The following RGS6 variants were observed in gnomAD, a reference collection of about 807,000 sequenced individuals.
The protein encoded by RGS6 is regulator of G protein signaling 6.
Under a neutral mutation model 78.5 loss-of-function variants are expected in RGS6, and 30 were observed. The observed-to-expected ratio is 0.38, with a 90% CI of 0.29 to 0.52. The LOEUF is 0.52. Ranked by LOEUF, RGS6 falls within the 20% of genes least tolerant of loss-of-function variation. The probability of loss-of-function intolerance (pLI) is 0.85; values close to 1 mark genes in which losing one functional copy is unlikely to be tolerated. For missense variants in RGS6, 495 were observed against 609.7 expected (o/e 0.81, Z 1.98); for synonymous variants, 206 against 206.0 (o/e 1.00, Z 0.00).
intron 15 of RGS6, among the ~76,000 whole-genome samples, chr14:72,526,189 T>C (rs1598719273): frequency 6.6e-6 from 1 of 151,960 alleles, no homozygotes; most frequent in Non-Finnish European, 1.5e-5. Flanking sequence ...CTGCAAGCTC[T>C]GCCTCCTGGG....
At chr14:72,352,851 C>G (rs1441657625) in intron 3 of RGS6, among the ~76,000 whole-genome samples, 1 of 152,116 alleles carries the variant, frequency 6.6e-6, no homozygotes, top group Non-Finnish European at 1.5e-5. Context: ...CTAATCAATT[C>G]ATTGTTTTTC....
At chr14:72,569,426 T>TC (rs1217154114), downstream of RGS6, among the ~76,000 whole-genome samples, 1 of 152,112 alleles carries the variant, frequency 6.6e-6, no homozygotes, top group Non-Finnish European at 1.5e-5. Context: ...ACACCTGTAA[T>TC]CCCCGCACTT....
chr14:72,386,065 T>C (rs1401389693), intron 3 of RGS6, among the ~76,000 whole-genome samples: 1 of 152,074 alleles, frequency 6.6e-6, no homozygotes, highest in Non-Finnish European at 1.5e-5. Context: ...CCCTGGGGCT[T>C]TCTTAGGCAT....
At chr14:72,123,898 C>T (rs1334708659) in intron 2 of RGS6, among the ~76,000 whole-genome samples, 1 of 152,138 alleles carries the variant, frequency 6.6e-6, no homozygotes, top group Admixed American at 6.6e-5. Flanking sequence ...GTTCCCTGTC[C>T]CTCATTTGCT....
chr14:72,406,573 A>C (rs553142335), intron 3 of RGS6, among the ~76,000 whole-genome samples: 1 of 152,280 alleles, frequency 6.6e-6, no homozygotes, highest in African/African-American at 2.4e-5. Context: ...AAAGGCTGGA[A>C]GTCAGGGGGT....
chr14:72,029,733 G>T (rs192062744), intron 2 of RGS6, among the ~76,000 whole-genome samples: 431 of 152,296 alleles, frequency 2.8e-3, no homozygotes, highest in Non-Finnish European at 5.1e-3. Context: ...CCTTCATTTG[G>T]ATAGAGGAAG....
At chr14:71,987,894 C>G (rs1266567608) in intron 2 of RGS6, among the ~76,000 whole-genome samples, 1 of 151,604 alleles carries the variant, frequency 6.6e-6, no homozygotes, top group Non-Finnish European at 1.5e-5. Context: ...GACTGTCCAT[C>G]TGGCATAGTA....
intron 2 of RGS6, among the ~76,000 whole-genome samples, chr14:72,079,671 T>G (rs1470929819): frequency 6.6e-6 from 1 of 152,144 alleles, no homozygotes; most frequent in Non-Finnish European, 1.5e-5. Context: ...TTTTTTGTCC[T>G]TTACCCAACA....
chr14:71,959,330 GA>G (rs148847698), intron 1 of RGS6, among the ~76,000 whole-genome samples: 28,406 of 149,362 alleles, frequency 0.19, 2,761 homozygotes, highest in African/African-American at 0.24. Flanking sequence ...GCTGATGTCA[GA>G]AAAAAAAAAT....
chr14:72,539,923 T>G, intron 16 of RGS6, 118 bp from the exon 17 acceptor site: 3 of 860,298 alleles, frequency 3.5e-6, no homozygotes, highest in Non-Finnish European at 5.2e-6. Context: ...TTTCGCCCCA[T>G]TTTGCTTTGG....
At chr14:72,226,896 A>G (rs992807363) in intron 2 of RGS6, among the ~76,000 whole-genome samples, 7 of 152,192 alleles carry the variant, frequency 4.6e-5, no homozygotes, top group Admixed American at 4.6e-4. Context: ...CATGTTATCC[A>G]GGCTGGTCTT....
chr14:72,083,460 C>A (rs1471385017), intron 2 of RGS6, among the ~76,000 whole-genome samples: 1 of 152,126 alleles, frequency 6.6e-6, no homozygotes, highest in Non-Finnish European at 1.5e-5. Context: ...GAAGCCTTAA[C>A]ATAGACCAGT....
At chr14:72,368,231 C>G (rs2082794919) in intron 3 of RGS6, among the ~76,000 whole-genome samples, 1 of 152,142 alleles carries the variant, frequency 6.6e-6, no homozygotes, top group Admixed American at 6.5e-5. Context: ...GGGGTGCAAA[C>G]TCAGCCTTTT....
chr14:72,473,319 C>CTGTA (rs966091821), intron 9 of RGS6, among the ~76,000 whole-genome samples: 6 of 152,194 alleles, frequency 3.9e-5, no homozygotes, highest in Admixed American at 3.9e-4. Context: ...TGGCAGGCAC[C>CTGTA]TGTAGTCCCA....
intron 2 of RGS6, among the ~76,000 whole-genome samples, chr14:72,045,341 G>C (rs2092746302): frequency 6.6e-6 from 1 of 152,150 alleles, no homozygotes; most frequent in African/African-American, 2.4e-5. Context: ...AATGGATTGG[G>C]TAATAGACCT....
chr14:72,318,128 C>G (rs2070844577), intron 2 of RGS6, among the ~76,000 whole-genome samples: 1 of 152,162 alleles, frequency 6.6e-6, no homozygotes, highest in Non-Finnish European at 1.5e-5. Flanking sequence ...TCCCTCACCC[C>G]TCACCACCCT....
chr14:72,011,032 GTGT>G (rs2085574705), intron 2 of RGS6, among the ~76,000 whole-genome samples: 1 of 152,194 alleles, frequency 6.6e-6, no homozygotes, highest in Non-Finnish European at 1.5e-5. Flanking sequence ...ATGGAATGAA[GTGT>G]TGTTCTATTC....
At chr14:72,390,201 G>A (rs946409794) in intron 3 of RGS6, among the ~76,000 whole-genome samples, 4 of 151,264 alleles carry the variant, frequency 2.6e-5, no homozygotes, top group Non-Finnish European at 5.9e-5. Context: ...GGGTTGAAGC[G>A]ATTTTCCTGT....
chr14:72,388,167 C>G lies in RGS6; in HGVS notation c.184+35973C>G, dbSNP rs536572613. 2.0e-5 allele frequency among the ~76,000 whole-genome samples: 3 copies of G among 152,278 alleles called. No individual in the cohort carries two copies. The South Asian group carries it at 6.2e-4, about 32-fold the overall frequency. ...TTGAGGTCTTTACTAATTTACTCAC[C>G]TTGGCTCTATTTGAGGTTTTCTGCC... is the stretch of plus-strand genomic sequence containing the variant. On this transcript the variant is annotated intron_variant, in intron 3 of 17. Coordinates refer to ENST00000553525, the MANE Select transcript of RGS6 (RefSeq NM_001204424.2).
Sources: gnomAD v4.1 joint callset for allele counts (sites outside exome capture counted in the v4.1 genomes callset) on GRCh38, gnomAD v4.1.1 for gene constraint, MANE v1.5 for transcripts, NCBI Gene and HGNC (gene_info 2026-07-23, HGNC 2026-07-21) for gene names.